UTRN: variants seen among roughly 807,000 people sequenced by gnomAD.
UTRN encodes dystrophin-related protein 1.
UTRN carries 283 observed loss-of-function variants against 463.9 expected under a neutral mutation model. That is an observed-to-expected ratio of 0.61 (90% CI 0.55 to 0.67). The LOEUF is 0.67. Ranked by LOEUF, UTRN falls within the 30% of genes least tolerant of loss-of-function variation. The pLI is 0.00. For synonymous variants in UTRN, 1,442 were observed against 1,431.5 expected (o/e 1.01, Z -0.17); for missense variants, 3,922 against 4,084.3 (o/e 0.96, Z 1.08).
chr6:144,532,283 G>A (rs1369321377), intron 42 of UTRN, among the ~76,000 whole-genome samples: 1 of 152,140 alleles, frequency 6.6e-6, no homozygotes, highest in Non-Finnish European at 1.5e-5. Flanking sequence ...TTCTCATGCT[G>A]CTAATAAAGA....
At position 144,512,575 on chromosome 6, in the gene UTRN, G is replaced by T. The variant is rs370044893; in HGVS notation, c.4945-1334G>T. 1.4e-4 allele frequency among the ~76,000 whole-genome samples: 21 copies of T among 150,168 alleles called. No individual in the cohort carries two copies. In the East Asian group the frequency reaches 3.9e-3, roughly 28 times the overall value. The stretch of plus-strand genomic sequence containing the variant: ...TGTTCACTTTTTTTTTTTTTCTGAG[G>T]CTGGGTGTCAGTCTGTCACCCATGC... On this transcript the variant is annotated intron_variant, in intron 35 of 74. Transcript: ENST00000367545.
chr6:144,447,908 CAT>C (rs1402009266), intron 16 of UTRN, 127 bp downstream of exon 16: 15 of 873,718 alleles, frequency 1.7e-5, no homozygotes, highest in Non-Finnish European at 2.1e-5. Context: ...GAAAAATTGA[CAT>C]GTGAAAATCA....
chr6:144,473,585 A>G (rs1363410665), intron 23 of UTRN, 135 bp from the exon 24 acceptor site: 2 of 554,228 alleles, frequency 3.6e-6, no homozygotes, highest in Non-Finnish European at 6.2e-6. Context: ...AAGGTTTAGA[A>G]AAAGAAATAA....
intron 2 of UTRN, among the ~76,000 whole-genome samples, chr6:144,310,383 A>C (rs1348978543): frequency 6.6e-6 from 1 of 152,086 alleles, no homozygotes; most frequent in Non-Finnish European, 1.5e-5. Context: ...CTTAACATAC[A>C]AAATTAACCA....
intron 53 of UTRN, among the ~76,000 whole-genome samples, chr6:144,707,906 G>A (rs756374501): frequency 1.3e-5 from 2 of 152,064 alleles, no homozygotes; most frequent in Non-Finnish European, 2.9e-5. Flanking sequence ...ATTTCAATAA[G>A]GTTCTTTTAA....
intron 54 of UTRN, among the ~76,000 whole-genome samples, chr6:144,746,812 G>A (rs1790797491): frequency 6.6e-6 from 1 of 152,086 alleles, no homozygotes; most frequent in South Asian, 2.1e-4. Flanking sequence ...ATCTTGTACT[G>A]GTATATTCAG....
Position 144,645,773 on chromosome 6 carries a change from T to A in UTRN, c.7480-32633T>A, listed in dbSNP as rs182786135. Among the ~76,000 whole-genome samples the A allele has an allele frequency of 9.9e-5, 15 of 152,044 alleles. No homozygotes were observed. The East Asian group carries it at 1.4e-3, about 14-fold the overall frequency. On this transcript the variant is annotated intron_variant, in intron 51 of 74. Transcript: ENST00000367545. ...GAGAAAGCTGTGTTGGTGATGTGAG[T>A]ATTATGGGCTTCTCAAAGCATGGTT...
intron 2 of UTRN, among the ~76,000 whole-genome samples, chr6:144,341,439 G>A (rs1279514741): frequency 1.3e-5 from 2 of 152,004 alleles, no homozygotes; most frequent in Non-Finnish European, 2.9e-5. Flanking sequence ...CTCAAACACA[G>A]TAAGGTCTGA....
chr6:144,802,955 C>T (rs894969720), intron 64 of UTRN, 81 bp from the exon 65 acceptor site: 14 of 974,336 alleles, frequency 1.4e-5, no homozygotes, highest in South Asian at 6.5e-5. Flanking sequence ...TTTGGTAATT[C>T]GGATGAATGA....
intron 51 of UTRN, among the ~76,000 whole-genome samples, chr6:144,580,981 AG>A (rs1801918207): frequency 6.6e-6 from 1 of 152,220 alleles, no homozygotes; most frequent in African/African-American, 2.4e-5. Context: ...GGAAGGGGAA[AG>A]GCAGATTGCC....
At chr6:144,433,215 G>A (rs1269437533) in intron 9 of UTRN, among the ~76,000 whole-genome samples, 3 of 151,786 alleles carry the variant, frequency 2.0e-5, no homozygotes, top group Non-Finnish European at 2.9e-5. Flanking sequence ...CCTCCCAGAC[G>A]GGGTGGTGGC....
chr6:144,337,667 T>G (rs1776839170), intron 2 of UTRN, among the ~76,000 whole-genome samples: 2 of 152,152 alleles, frequency 1.3e-5, no homozygotes, highest in Admixed American at 6.5e-5. Context: ...CAGGCTAGAG[T>G]GCAGTGGTGT....
intron 13 of UTRN, 98 bp from the exon 14 acceptor site, chr6:144,444,183 C>T: frequency 1.0e-6 from 1 of 959,200 alleles, no homozygotes; most frequent in Non-Finnish European, 1.5e-6. Context: ...AGTTGTTATT[C>T]TATAATAAAG....
At chr6:144,748,797 G>A (rs753952375) in intron 55 of UTRN, among the ~76,000 whole-genome samples, 2 of 151,994 alleles carry the variant, frequency 1.3e-5, no homozygotes. Context: ...TGTAGATTAG[G>A]TTTACCTATT....
At chr6:144,829,281 C>A (rs2128757105) in intron 69 of UTRN, among the ~76,000 whole-genome samples, 1 of 152,188 alleles carries the variant, frequency 6.6e-6, no homozygotes, top group Non-Finnish European at 1.5e-5. Context: ...CTGACCCACA[C>A]ATACTTAGAT....
At chr6:144,367,318 T>G (rs924224090) in intron 2 of UTRN, among the ~76,000 whole-genome samples, 15 of 130,884 alleles carry the variant, frequency 1.1e-4, no homozygotes, top group African/African-American at 4.2e-4. Flanking sequence ...GGATTATACA[T>G]GAGTCAAGGA....
Position 144,453,988 on chromosome 6 carries a change from GT to G in UTRN, c.2284+123del, listed in dbSNP as rs1202795448. The G allele has an allele frequency of 3.9e-6, 3 of 770,230 alleles. No homozygotes were observed. The African/African-American group carries it at 5.3e-5, about 14-fold the overall frequency. The allele number at this position is 770,230 out of a possible 1,614,324, so 47.7% of individuals were successfully genotyped here. Reference sequence around the variant, plus strand: ...GAATCCTCTTTTGGCTAGATAAATGGTTTTCAAAAATGTTTTTAGGCAGCAG... The same window carrying G: ...GAATCCTCTTTTGGCTAGATAAATGGTTTCAAAAATGTTTTTAGGCAGCAG... On this transcript the variant is annotated intron_variant, in intron 19 of 74. Coordinates refer to ENST00000367545, the MANE Select transcript of UTRN (RefSeq NM_007124.3).
intron 53 of UTRN, chr6:144,707,128 G>A (rs1030359995): frequency 6.6e-5 from 10 of 151,848 alleles, no homozygotes; most frequent in African/African-American, 2.4e-4. Flanking sequence ...AAATTAAATA[G>A]CTTTAACTAT....
chr6:144,847,276 G>A (rs1170057609), intron 74 of UTRN, among the ~76,000 whole-genome samples: 1 of 152,162 alleles, frequency 6.6e-6, no homozygotes, highest in Non-Finnish European at 1.5e-5. Context: ...GTACCCTTAT[G>A]CCTTTTAGTA....
Sources: allele counts gnomAD v4.1 joint callset (sites outside exome capture counted in the v4.1 genomes callset), GRCh38; gene constraint gnomAD v4.1.1; transcripts MANE v1.5; gene names NCBI Gene and HGNC (gene_info 2026-07-23, HGNC 2026-07-21).